Variants in LIN54 observed in about 807,000 individuals in gnomAD.
The protein encoded by LIN54 is protein lin-54 homolog.
A neutral mutation model predicts 78.7 loss-of-function variants in LIN54; 9 were observed. The observed-to-expected ratio is 0.11, with a 90% CI of 0.07 to 0.20. The LOEUF is 0.20. Ranked by LOEUF, LIN54 falls within the 10% of genes least tolerant of loss-of-function variation. The pLI is 1.00. For synonymous variants in LIN54, 269 were observed against 318.4 expected, an observed-to-expected ratio of 0.84 and a Z score of 1.65; for missense variants, 573 against 889.9, an observed-to-expected ratio of 0.64 and a Z score of 4.53.
chr4:82,977,804 T>C (rs1449884594), intron 3 of LIN54, among the ~76,000 whole-genome samples: 2 of 152,122 alleles, frequency 1.3e-5, no homozygotes, highest in African/African-American at 4.8e-5. Flanking sequence ...TTTAGCACAG[T>C]AGAAATTAGA....
chr4:82,977,954 A>G (rs183070227), intron 3 of LIN54, among the ~76,000 whole-genome samples: 37 of 152,372 alleles, frequency 2.4e-4, no homozygotes, highest in Admixed American at 1.9e-3. Flanking sequence ...CCAAGCCATT[A>G]GAGAAAGAGA....
At chr4:82,956,842 C>T (rs1055107288) in intron 4 of LIN54, among the ~76,000 whole-genome samples, 3 of 152,100 alleles carry the variant, frequency 2.0e-5, no homozygotes, top group East Asian at 3.9e-4. Flanking sequence ...AGGCTGGTCT[C>T]GAACTCTTGA....
At chr4:82,929,224 A>G (rs1191025133) in intron 12 of LIN54, among the ~76,000 whole-genome samples, 1 of 152,242 alleles carries the variant, frequency 6.6e-6, no homozygotes, top group African/African-American at 2.4e-5. Flanking sequence ...AAGCTTGTTA[A>G]CATGCTAGCA....
intron 11 of LIN54, among the ~76,000 whole-genome samples, chr4:82,932,585 G>A (rs1298552121): frequency 2.0e-5 from 3 of 150,734 alleles, no homozygotes; most frequent in South Asian, 2.1e-4. Flanking sequence ...TTGGGAGGCC[G>A]AGGTGGGAGG....
At chr4:82,939,762 G>T in intron 6 of LIN54, 26 bp from the exon 7 acceptor site, 2 of 1,612,526 alleles carry the variant, frequency 1.2e-6, no homozygotes, top group South Asian at 2.2e-5. Context: ...ATATATCAAT[G>T]ACCACAAAAT....
At position 82,933,012 on chromosome 4, in the gene LIN54, T is replaced by C. The variant is rs150404672; in HGVS notation, c.1846-1867A>G. Among the ~76,000 whole-genome samples, 450 of 152,120 alleles carry C rather than the reference T, an allele frequency of 3.0e-3. 4 individuals carry two copies. The highest frequency in any genetic ancestry group is 0.01 in the African/African-American group (419 of 41,548). On this transcript the variant is annotated intron_variant, in intron 11 of 12. Coordinates refer to ENST00000340417, the MANE Select transcript of LIN54 (RefSeq NM_194282.4). ...TTTCTCTCTATAGCACCTAGCAAGA[T>C]AAACGGGCTGCATTATAAACACATT...
chr4:82,958,694 T>TTTA (rs890348225), intron 4 of LIN54, among the ~76,000 whole-genome samples: 1 of 152,116 alleles, frequency 6.6e-6, no homozygotes, highest in Non-Finnish European at 1.5e-5. Context: ...TTTTGATTTA[T>TTTA]TTATTATTAT....
chr4:82,958,173 T>C (rs577860735), intron 4 of LIN54, among the ~76,000 whole-genome samples: 2 of 152,328 alleles, frequency 1.3e-5, no homozygotes, highest in South Asian at 4.1e-4. Flanking sequence ...GCCTTCATCA[T>C]TGTTCAGACT....
At chr4:82,957,168 C>T (rs745368103) in intron 4 of LIN54, among the ~76,000 whole-genome samples, 4 of 152,186 alleles carry the variant, frequency 2.6e-5, no homozygotes, top group Non-Finnish European at 4.4e-5. Flanking sequence ...AAGCAATCAA[C>T]TTCTGAAACC....
chr4:82,935,956 T>A (rs6535414), intron 11 of LIN54, 25 bp downstream of exon 11: 747,853 of 1,605,964 alleles, frequency 0.47, 183,684 homozygotes, highest in African/African-American at 0.76. Flanking sequence ...TTAAAAGATA[T>A]TATTTTCCGC....
chr4:82,963,604 T>C (rs893825913), intron 4 of LIN54, among the ~76,000 whole-genome samples: 1 of 152,146 alleles, frequency 6.6e-6, no homozygotes, highest in African/African-American at 2.4e-5. Context: ...GTAAGTTTCT[T>C]ACCCTACATT....
Position 82,942,118 on chromosome 4 carries a change from A to G in LIN54, c.1169-2156T>C, listed in dbSNP as rs148135566. On this transcript the variant is annotated intron_variant, in intron 5 of 12. Transcript: ENST00000340417. ...ATAAATTTCCTTAGATAGAAAGGCTACTATGATATCAGCAGTTTTTTTTTG... is the reference window on the plus strand; with the variant it reads ...ATAAATTTCCTTAGATAGAAAGGCTGCTATGATATCAGCAGTTTTTTTTTG... Among the ~76,000 whole-genome samples, 505 of 144,596 alleles carry G rather than the reference A, an allele frequency of 3.5e-3. 6 individuals are homozygous for G. Among genetic ancestry groups the G allele is most frequent in the African/African-American group, 0.013 (470 of 37,052 alleles). The allele number at this position is 144,596 out of a possible 152,430, so 94.9% of individuals were successfully genotyped here.
chr4:82,992,759 T>C (rs963575785), intron 1 of LIN54, among the ~76,000 whole-genome samples: 4 of 152,052 alleles, frequency 2.6e-5, no homozygotes, highest in Non-Finnish European at 5.9e-5. Flanking sequence ...CCAGGCGTGG[T>C]GGCTCACGCC....
intron 2 of LIN54, among the ~76,000 whole-genome samples, chr4:82,979,954 A>AAAAAAAAAAC (rs1726494219): frequency 6.7e-6 from 1 of 149,024 alleles, no homozygotes; most frequent in Non-Finnish European, 1.5e-5. Flanking sequence ...AAAAAAAAAA[A>AAAAAAAAAAC]AAAAAAAAAA....
chr4:82,971,507 T>C (rs561837864), intron 3 of LIN54, among the ~76,000 whole-genome samples: 66 of 151,574 alleles, frequency 4.4e-4, no homozygotes, highest in African/African-American at 1.5e-3. Context: ...ATATAGATAA[T>C]CAATTTTTAA....
Position 82,984,368 on chromosome 4 carries a change from G to A in LIN54, c.477C>T (p.Ser159=), listed in dbSNP as rs1296575791. The change falls in exon 2 of 13, where the codon AGC becomes AGT. Residue 159 remains serine (S), a synonymous_variant. Transcript: ENST00000340417. ...TAACTTTCTGAGCCTGGGGTAGTTG[G>A]CTATGGGGTAGTGCTAAAACAATTG... ...GSPIVLALPH[S]QLPQAQKVTT... The A allele has an allele frequency of 6.2e-7, 1 of 1,614,192 alleles. No homozygotes were observed. The highest frequency in any genetic ancestry group is 1.6e-4 in the Middle Eastern group (1 of 6,062).
chr4:82,949,314 C>CAG (rs1560735522), intron 4 of LIN54, among the ~76,000 whole-genome samples: 1 of 152,148 alleles, frequency 6.6e-6, no homozygotes, highest in African/African-American at 2.4e-5. Flanking sequence ...TGTACCTTTG[C>CAG]AGAAATGTCT....
Position 82,984,517 on chromosome 4 carries a change from T to A in LIN54, c.328A>T (p.Ile110Leu), listed in dbSNP as rs575100003. ...TTTAAAATAATCTGATTGGCTGATATAGTCACAGGAGTCTGAGCACCAAGT... is the reference window on the plus strand; with the variant it reads ...TTTAAAATAATCTGATTGGCTGATAAAGTCACAGGAGTCTGAGCACCAAGT... ...QKLGAQTPVT[I>L]SANQIILNKV... The change falls in exon 2 of 13, where the codon ATA (isoleucine) becomes TTA (leucine). Residue 110 changes from isoleucine to leucine, a missense_variant. By Grantham distance (5) the Ile-to-Leu change is conservative. Coordinates refer to ENST00000340417, the MANE Select transcript of LIN54 (RefSeq NM_194282.4). 1 of 1,614,196 alleles carries A rather than the reference T, an allele frequency of 6.2e-7. No individual in the cohort carries two copies. Among genetic ancestry groups the A allele is most frequent in the East Asian group, 2.2e-5 (1 of 44,892 alleles).
At chr4:82,933,020 C>A (rs1722098347) in intron 11 of LIN54, among the ~76,000 whole-genome samples, 1 of 151,924 alleles carries the variant, frequency 6.6e-6, no homozygotes, top group South Asian at 2.1e-4. Context: ...GATAAACGGG[C>A]TGCATTATAA....
Sources: allele counts gnomAD v4.1 joint callset (sites outside exome capture counted in the v4.1 genomes callset), GRCh38; gene constraint gnomAD v4.1.1; transcripts MANE v1.5; gene names NCBI Gene and HGNC (gene_info 2026-07-23, HGNC 2026-07-21).